The following HFM1 variants were observed in gnomAD, a reference collection of about 807,000 sequenced individuals.
HFM1 encodes helicase for meiosis 1.
In HFM1, 169 loss-of-function variants were observed where a neutral mutation model predicts 192.1. The observed-to-expected ratio is 0.88, with a 90% confidence interval of 0.78 to 1.00. The LOEUF (loss-of-function observed/expected upper bound fraction) is 1.00. Ranked by LOEUF, HFM1 falls within the 50% of genes least tolerant of loss-of-function variation. The pLI is 0.00. For synonymous variants in HFM1, 525 were observed against 537.8 expected, an observed-to-expected ratio of 0.98 and a Z score of 0.33; for missense variants, 1,661 against 1,668.0, an observed-to-expected ratio of 1.00 and a Z score of 0.07.
At position 91,319,224 on chromosome 1, in the gene HFM1, T is replaced by G; in HGVS notation, c.2681-15A>C. 1 of 1,604,364 alleles carries G rather than the reference T, an allele frequency of 6.2e-7. No homozygotes were observed. The highest frequency in any genetic ancestry group is 8.5e-7 in the Non-Finnish European group (1 of 1,176,590). ...ATCTGACAACCCTAAAAAAAAAGTT[T>G]CCAGTATTAAATCTAATATACCAGT... On this transcript the variant is annotated splice_polypyrimidine_tract_variant and intron_variant, in intron 24 of 38. Coordinates refer to ENST00000370425, the MANE Select transcript of HFM1 (RefSeq NM_001017975.6).
chr1:91,347,068 C>A (rs1172915065), intron 19 of HFM1, among the ~76,000 whole-genome samples: 1 of 151,978 alleles, frequency 6.6e-6, no homozygotes, highest in African/African-American at 2.4e-5. Context: ...ATGATCACGC[C>A]ACTGCATTCC....
Position 91,375,549 on chromosome 1 carries a change from G to T in HFM1, c.1574C>A (p.Ser525Tyr). 1 of 1,613,262 alleles carries T rather than the reference G, an allele frequency of 6.2e-7. No individual in the cohort carries two copies. The change falls in exon 12 of 39, where the codon TCT (serine) becomes TAT (tyrosine). Residue 525 changes from serine to tyrosine, a missense_variant. Ser to Tyr is a moderately radical substitution (Grantham distance 144). Transcript: ENST00000370425. ...TACCACAAGTGTGGGTTTCTGATCA[G>T]AGTACATTTGTATAACACTGGCAAT... is the stretch of plus-strand genomic sequence containing the variant. The part of the protein sequence containing the change: ...YKIASVIQMY[S>Y]DQKPTLVFCA...
intron 30 of HFM1, among the ~76,000 whole-genome samples, chr1:91,291,211 C>A (rs942808227): frequency 1.3e-5 from 2 of 152,044 alleles, no homozygotes; most frequent in Non-Finnish European, 2.9e-5. Flanking sequence ...CAGAGCAGAA[C>A]TGAAGGAAAT....
intron 30 of HFM1, among the ~76,000 whole-genome samples, chr1:91,290,521 C>T (rs1474012855): frequency 1.3e-5 from 2 of 152,140 alleles, no homozygotes; most frequent in African/African-American, 4.8e-5. Flanking sequence ...TATATATGCA[C>T]CCAACACAGG....
chr1:91,297,266 G>C (rs956732709), intron 30 of HFM1, among the ~76,000 whole-genome samples: 2 of 152,184 alleles, frequency 1.3e-5, no homozygotes, highest in African/African-American at 4.8e-5. Context: ...CATTGCCGAC[G>C]CTTGAGTAGG....
intron 20 of HFM1, among the ~76,000 whole-genome samples, chr1:91,337,566 C>T (rs1032006656): frequency 1.3e-5 from 2 of 152,182 alleles, no homozygotes; most frequent in Admixed American, 1.3e-4. Flanking sequence ...GGTGCAGCAT[C>T]TTCCACAATT....
intron 33 of HFM1, 122 bp downstream of exon 33, chr1:91,274,608 A>G (rs1570739530): frequency 1.9e-6 from 1 of 515,226 alleles, no homozygotes; most frequent in East Asian, 3.1e-5. Flanking sequence ...TTCACTATGG[A>G]ACTAAACGAT....
At chr1:91,277,917 C>T (rs1398429798) in intron 30 of HFM1, among the ~76,000 whole-genome samples, 3 of 128,968 alleles carry the variant, frequency 2.3e-5, no homozygotes, top group South Asian at 2.3e-4. Flanking sequence ...AATATATACA[C>T]TAATATATAA....
Position 91,316,434 on chromosome 1 carries a change from G to T in HFM1, c.2855C>A (p.Ser952Tyr). 6.3e-7 allele frequency: 1 copy of T among 1,579,746 alleles called. No homozygotes were observed. The highest frequency in any genetic ancestry group is 1.2e-5 in the South Asian group (1 of 85,952). Residue 952 changes from serine to tyrosine, a missense_variant, in exon 26 of 39, where the codon TCC becomes TAC. Coordinates refer to ENST00000370425, the MANE Select transcript of HFM1 (RefSeq NM_001017975.6). ...SNAIVNAGLTSFKKIEETDAR... is the reference protein window; with the variant it reads ...SNAIVNAGLTYFKKIEETDAR... ...ATCTGTCTCTTCTATTTTTTTAAAG[G>T]AAGTCAAACCAGCATTTACGATTGC... is the stretch of plus-strand genomic sequence containing the variant.
At position 91,316,420 on chromosome 1, in the gene HFM1, C is replaced by T; in HGVS notation, c.2869G>A (p.Glu957Lys). ...NAGLTSFKKIEETDARELELI... is the reference protein window; with the variant it reads ...NAGLTSFKKIKETDARELELI... The stretch of plus-strand genomic sequence containing the variant: ...TCAAGTTCCCTTGCATCTGTCTCTT[C>T]TATTTTTTTAAAGGAAGTCAAACCA... Residue 957 changes from glutamate to lysine, a missense_variant, in exon 26 of 39, where the codon GAA becomes AAA. Glu to Lys is a moderately conservative substitution (Grantham distance 56). Coordinates refer to ENST00000370425, the MANE Select transcript of HFM1 (RefSeq NM_001017975.6). 1 of 1,578,576 alleles carries T rather than the reference C, an allele frequency of 6.3e-7. No individual in the cohort carries two copies. Among genetic ancestry groups the T allele is most frequent in the Non-Finnish European group, 8.6e-7 (1 of 1,157,686 alleles).
rs1255667614 is a variant in HFM1, at chr1:91,322,953, T to G, written c.2579A>C (p.Asn860Thr). 1 of 1,332,052 alleles carries G rather than the reference T, an allele frequency of 7.5e-7. No homozygotes were observed. The highest frequency in any genetic ancestry group is 2.6e-5 in the East Asian group (1 of 38,196). The allele number at this position is 1,332,052 out of a possible 1,614,324, so 82.5% of individuals were successfully genotyped here. A position where few individuals can be genotyped will look rare whatever the true frequency, so the allele number is the denominator to read the frequency against. ...CATAAGTATGAATCATCTTTACCAA[T>G]TTACTTTCATTTCTCTTGTTTTAAT... is the stretch of plus-strand genomic sequence containing the variant. ...GRIKTREMKV[N>T]CLIQAQLGCI... The change falls in exon 23 of 39, where the codon AAT (asparagine) becomes ACT (threonine). Residue 860 changes from asparagine to threonine, a missense_variant. By Grantham distance (65) the Asn-to-Thr change is moderately conservative. Coordinates refer to ENST00000370425, the MANE Select transcript of HFM1 (RefSeq NM_001017975.6).
At position 91,299,295 on chromosome 1, in the gene HFM1, A is replaced by T. The variant is rs553948801; in HGVS notation, c.3391+14054T>A. 5.5e-3 allele frequency among the ~76,000 whole-genome samples: 836 copies of T among 152,272 alleles called. 5 individuals are homozygous for T. The highest frequency in any genetic ancestry group is 0.019 in the African/African-American group (790 of 41,554). On this transcript the variant is annotated intron_variant, in intron 30 of 38. Coordinates refer to ENST00000370425, the MANE Select transcript of HFM1 (RefSeq NM_001017975.6). ...CCAGATTCATAAAGCAAGTCCTTAG[A>T]GACCTACAAAGAGACTTAGACTCCC...
At chr1:91,298,099 T>G (rs913026152) in intron 30 of HFM1, among the ~76,000 whole-genome samples, 12 of 152,208 alleles carry the variant, frequency 7.9e-5, no homozygotes, top group Admixed American at 4.6e-4. Context: ...TTAAAGGACC[T>G]GATGGAGCTG....
At chr1:91,325,403 C>T (rs1489819058) in intron 20 of HFM1, among the ~76,000 whole-genome samples, 2 of 152,188 alleles carry the variant, frequency 1.3e-5, no homozygotes, top group Admixed American at 1.3e-4. Flanking sequence ...ACAGTCCCAG[C>T]CCACAGGAGT....
intron 11 of HFM1, chr1:91,377,722 A>C (rs747636585): frequency 5.8e-6 from 2 of 342,802 alleles, no homozygotes; most frequent in Non-Finnish European, 1.1e-5. Context: ...TCAGCTAGTT[A>C]CAACAACCAT....
intron 13 of HFM1, among the ~76,000 whole-genome samples, chr1:91,358,136 T>G (rs1380960091): frequency 2.0e-5 from 3 of 152,074 alleles, no homozygotes; most frequent in Non-Finnish European, 2.9e-5. Context: ...GATCACAAGG[T>G]CAGGAGATCA....
chr1:91,340,095 TC>T (rs921564797), intron 20 of HFM1, among the ~76,000 whole-genome samples: 14 of 152,124 alleles, frequency 9.2e-5, no homozygotes, highest in African/African-American at 3.4e-4. Context: ...AACCTCCTCC[TC>T]CCAGGCTCAA....
At chr1:91,316,531 TATATTTAA>T (rs1651251775) in intron 25 of HFM1, 55 bp from the exon 26 acceptor site, 1 of 728,112 alleles carries the variant, frequency 1.4e-6, no homozygotes, top group African/African-American at 1.9e-5. Flanking sequence ...AAATAAAACA[TATATTTAA>T]ATATTTAACA....
chr1:91,281,803 C>T lies in HFM1; in HGVS notation c.3392-4741G>A, dbSNP rs79628326. Among the ~76,000 whole-genome samples, 206 of 152,216 alleles carry T rather than the reference C, an allele frequency of 1.4e-3. 1 individual carries two copies. The highest frequency in any genetic ancestry group is 4.8e-3 in the African/African-American group (200 of 41,550). ...GTGCAGGTGTGAGACCACAGCTCACCGCAGCCTCGAACTCTTGGGCGCACG... is the reference window on the plus strand; with the variant it reads ...GTGCAGGTGTGAGACCACAGCTCACTGCAGCCTCGAACTCTTGGGCGCACG... On this transcript the variant is annotated intron_variant, in intron 30 of 38. Transcript: ENST00000370425.
Sources: gnomAD v4.1 joint callset for allele counts (sites outside exome capture counted in the v4.1 genomes callset) on GRCh38, gnomAD v4.1.1 for gene constraint, MANE v1.5 for transcripts, NCBI Gene and HGNC (gene_info 2026-07-23, HGNC 2026-07-21) for gene names.